Variants in ALG1L2 observed in about 807,000 individuals in gnomAD.
ALG1L2 encodes ALG1 chitobiosyldiphosphodolichol beta-mannosyltransferase like 2, also known as putative glycosyltransferase ALG1L2.
In ALG1L2, 32 loss-of-function variants were observed where a neutral mutation model predicts 29.0. The ratio of observed to expected loss-of-function variants is 1.10; its 90% confidence interval spans 0.83 to 1.48. ALG1L2 has a LOEUF of 1.48. Ranked by LOEUF, ALG1L2 falls within the 40% of genes most tolerant of loss-of-function variation. The pLI is 0.00. For missense variants in ALG1L2, 318 were observed against 274.1 expected (o/e 1.16, Z -1.13); for synonymous variants, 110 against 109.5 (o/e 1.00, Z -0.03).
At chr3:130,082,314 A>C (rs1934804253) in intron 1 of ALG1L2, among the ~76,000 whole-genome samples, 1 of 129,874 alleles carries the variant, frequency 7.7e-6, no homozygotes, top group South Asian at 2.4e-4. Flanking sequence ...CACTGTCTTA[A>C]AATTCCTCCT....
At position 130,091,320 on chromosome 3, in the gene ALG1L2, A is replaced by G. The variant is rs552265139; in HGVS notation, c.80A>G (p.Gln27Arg). The G allele has an allele frequency of 3.1e-6, 5 of 1,598,270 alleles. No individual in the cohort carries two copies. The South Asian group carries it at 3.3e-5, about 11-fold the overall frequency. ...SFFKEAPLDL[Q>R]HRLFMKLGST... ...TTTAAAGAGGCACCTCTGGACCTGC[A>G]GCACCGGCTCTTCATGAAGCTGGGC... Residue 27 changes from glutamine (Q) to arginine (R), a missense_variant, in exon 2 of 8, where the codon CAG becomes CGG. By Grantham distance (43) the Gln-to-Arg change is conservative. Transcript: ENST00000425059.
intron 4 of ALG1L2, chr3:130,093,995 G>C (rs1935076139): frequency 3.5e-6 from 1 of 282,008 alleles, no homozygotes; most frequent in Non-Finnish European, 6.9e-6. Context: ...CATGTGCTCT[G>C]GGGGCTGTGG....
intron 1 of ALG1L2, among the ~76,000 whole-genome samples, chr3:130,090,294 G>A (rs1380659421): frequency 2.0e-5 from 3 of 152,306 alleles, no homozygotes; most frequent in African/African-American, 4.8e-5. Flanking sequence ...AGGCAAGGTC[G>A]CAGTGAGCTG....
intron 1 of ALG1L2, among the ~76,000 whole-genome samples, chr3:130,084,386 G>A (rs1261612783): frequency 4.7e-5 from 7 of 149,186 alleles, no homozygotes; most frequent in South Asian, 2.1e-4. Context: ...GAAGGAGACA[G>A]GAGGAAAGGG....
chr3:130,097,134 T>C, intron 6 of ALG1L2, 41 bp from the exon 7 acceptor site: 1 of 1,609,738 alleles, frequency 6.2e-7, no homozygotes, highest in Non-Finnish European at 8.5e-7. Flanking sequence ...GTCTAGTGTC[T>C]TCTCCAGGAA....
intron 5 of ALG1L2, among the ~76,000 whole-genome samples, chr3:130,095,684 C>T (rs185930867): frequency 0.015 from 2,235 of 151,906 alleles, 50 homozygotes; most frequent in African/African-American, 0.05. Flanking sequence ...TCAGGTGATC[C>T]GCCCGCCTTG....
chr3:130,097,230 G>A lies in ALG1L2; in HGVS notation c.595G>A (p.Glu199Lys), dbSNP rs777754537. The change falls in exon 7 of 8, where the codon GAA becomes AAA. Residue 199 changes from glutamate (E) to lysine (K), a missense_variant. Transcript: ENST00000425059. ...ENRLVFEDSE[E>K]LAAQLQYFAD... ...CCGCCTGGTCTTTGAGGACTCAGAG[G>A]AACTGGCAGCTCAGCTGCAGGTAGC... The A allele has an allele frequency of 6.2e-7, 1 of 1,610,768 alleles. No homozygotes were observed.
chr3:130,088,676 C>T (rs1413642175), intron 1 of ALG1L2, among the ~76,000 whole-genome samples: 2 of 152,290 alleles, frequency 1.3e-5, no homozygotes, highest in Non-Finnish European at 2.9e-5. Context: ...CCTTGGCTTC[C>T]CAAAGTGCTG....
chr3:130,096,180 A>T lies in ALG1L2; in HGVS notation c.539+17A>T. 6.2e-7 allele frequency: 1 copy of T among 1,610,946 alleles called. No individual in the cohort carries two copies. On this transcript the variant is annotated intron_variant, in intron 6 of 7. Coordinates refer to ENST00000425059, the MANE Select transcript of ALG1L2 (RefSeq NM_001136152.1). ...CTTCAAGTGGTAGGAGCAGAACCCG[A>T]ATTTTTTCTGGGGATAGCTTCACAG...
Position 130,094,522 on chromosome 3 carries a change from C to T in ALG1L2, c.424+9C>T, listed in dbSNP as rs760120632. The T allele has an allele frequency of 1.3e-6, 2 of 1,590,754 alleles. No homozygotes were observed. The highest frequency in any genetic ancestry group is 2.2e-5 in the South Asian group (2 of 90,848). ...ACTACCCCCGCTTCTAGGTGAGAGG[C>T]CAGCAGGAGGCTCAGGGAGGAGGCG... On this transcript the variant is annotated intron_variant, in intron 5 of 7. Transcript: ENST00000425059.
chr3:130,094,973 C>T (rs1026769404), intron 5 of ALG1L2, among the ~76,000 whole-genome samples: 1 of 152,184 alleles, frequency 6.6e-6, no homozygotes, highest in African/African-American at 2.4e-5. Context: ...TCTCTAGAGC[C>T]ACATCTTCCA....
chr3:130,093,326 G>A (rs1935060491), intron 4 of ALG1L2, among the ~76,000 whole-genome samples, 166 bp downstream of exon 4: 1 of 152,082 alleles, frequency 6.6e-6, no homozygotes, highest in African/African-American at 2.4e-5. Flanking sequence ...GAGGCTCAGA[G>A]GGTTTCACAG....
chr3:130,096,233 G>A, intron 6 of ALG1L2, 70 bp downstream of exon 6: 1 of 1,546,270 alleles, frequency 6.5e-7, no homozygotes, highest in Non-Finnish European at 8.8e-7. Flanking sequence ...AAGCAGTGCA[G>A]AGTGAGCTGC....
chr3:130,085,672 G>A (rs1356153913), intron 1 of ALG1L2, among the ~76,000 whole-genome samples: 1 of 151,712 alleles, frequency 6.6e-6, no homozygotes, highest in East Asian at 1.9e-4. Flanking sequence ...AGGACTCCAA[G>A]AAGTCTTTTG....
rs1935117483 is a variant in ALG1L2, at chr3:130,095,835, T to C, written c.425-214T>C. On this transcript the variant is annotated intron_variant, in intron 5 of 7. Transcript: ENST00000425059. ...AAAACAAAACAACAAAAAAATCAAATTGTGGTTACGTAGAAAAAGTGTCAA... is the reference window on the plus strand; with the variant it reads ...AAAACAAAACAACAAAAAAATCAAACTGTGGTTACGTAGAAAAAGTGTCAA... 3.3e-5 allele frequency among the ~76,000 whole-genome samples: 5 copies of C among 152,258 alleles called. No individual in the cohort carries two copies. The South Asian group carries it at 1.0e-3, about 32-fold the overall frequency.
chr3:130,092,955 G>A, intron 3 of ALG1L2, 146 bp from the exon 4 acceptor site: 1 of 775,664 alleles, frequency 1.3e-6, no homozygotes, highest in African/African-American at 1.8e-5. Context: ...ACTTGAACCT[G>A]GGAGGCAGAG....
At chr3:130,096,626 T>C (rs970728167) in intron 6 of ALG1L2, among the ~76,000 whole-genome samples, 1 of 152,122 alleles carries the variant, frequency 6.6e-6, no homozygotes, top group East Asian at 1.9e-4. Context: ...TGCTGTGGCC[T>C]CACTCCACCC....
chr3:130,097,976 C>A (rs9682985), intron 7 of ALG1L2, among the ~76,000 whole-genome samples: 2 of 152,174 alleles, frequency 1.3e-5, no homozygotes, highest in African/African-American at 2.4e-5. Flanking sequence ...CACAGGGGAA[C>A]GTACATCATG....
At chr3:130,094,331 G>C (rs1196472783) in intron 4 of ALG1L2, 72 bp from the exon 5 acceptor site, 6 of 1,536,298 alleles carry the variant, frequency 3.9e-6, no homozygotes, top group Non-Finnish European at 5.3e-6. Context: ...CTAGGGGGGA[G>C]TGTCTTGGGC....
Sources: gnomAD v4.1 joint callset for allele counts (sites outside exome capture counted in the v4.1 genomes callset) on GRCh38, gnomAD v4.1.1 for gene constraint, MANE v1.5 for transcripts, NCBI Gene and HGNC (gene_info 2026-07-23, HGNC 2026-07-21) for gene names.